ATP1B2: variants seen among roughly 807,000 people sequenced by gnomAD.
ATP1B2 encodes the protein ATPase Na+/K+ transporting subunit beta 2.
In ATP1B2, 12 loss-of-function variants were observed where a neutral mutation model predicts 37.3. The observed-to-expected ratio is 0.32, with a 90% CI of 0.21 to 0.52. ATP1B2 has a LOEUF of 0.52. Among genes scored for constraint, ATP1B2 ranks in the 20% least tolerant of loss-of-function variants. The probability of loss-of-function intolerance (pLI) is 0.96; values close to 1 mark genes in which losing one functional copy is unlikely to be tolerated. For missense variants in ATP1B2, 324 were observed against 391.6 expected (o/e 0.83, Z 1.46); for synonymous variants, 139 against 140.5 (o/e 0.99, Z 0.07).
In ATP1B2 at chr17:7,653,884, C is replaced by T. The variant is rs148306951; in HGVS notation, c.285C>T (p.Val95=). 1 of 1,614,124 alleles carries T rather than the reference C, an allele frequency of 6.2e-7. No individual in the cohort carries two copies. The part of the protein sequence containing the change: ...RPKTENLDVI[V]NVSDTESWDQ... ...AGACTGAGAACCTTGATGTCATTGT[C>T]AATGTCAGTGACACTGAAAGCTGGG... The change falls in exon 3 of 7, where the codon GTC becomes GTT. Residue 95 remains valine, a synonymous_variant. Coordinates refer to ENST00000250111, the MANE Select transcript of ATP1B2 (RefSeq NM_001678.5).
upstream of ATP1B2, among the ~76,000 whole-genome samples, chr17:7,648,197 G>A (rs769599225): frequency 4.5e-4 from 68 of 152,224 alleles, no homozygotes; most frequent in Admixed American, 7.9e-4. Flanking sequence ...CCAAGATCGC[G>A]TCACTGCACT....
chr17:7,654,272 G>T lies in ATP1B2; in HGVS notation c.552+15G>T. On this transcript the variant is annotated intron_variant, in intron 4 of 6. Coordinates refer to ENST00000250111, the MANE Select transcript of ATP1B2 (RefSeq NM_001678.5). This position sits in a 1 kb window ranked among gnomAD's most constrained non-coding sequence, Gnocchi z 4.9. ...AGATGAACCGGGTATCTATGACCTTGGTCCCCAGGGTGAATGGAGGAAGGA... is the reference window on the plus strand; with the variant it reads ...AGATGAACCGGGTATCTATGACCTTTGTCCCCAGGGTGAATGGAGGAAGGA... The T allele has an allele frequency of 6.2e-7, 1 of 1,613,206 alleles. No homozygotes were observed. The highest frequency in any genetic ancestry group is 8.5e-7 in the Non-Finnish European group (1 of 1,179,536).
chr17:7,652,186 G>A (rs1251794490), intron 1 of ATP1B2, among the ~76,000 whole-genome samples: 2 of 152,040 alleles, frequency 1.3e-5, no homozygotes, highest in East Asian at 1.9e-4. Flanking sequence ...GAGTTTTACC[G>A]AGGCTGCAGG....
At chr17:7,649,985 C>T (rs1037467800), upstream of ATP1B2, among the ~76,000 whole-genome samples, 3 of 152,186 alleles carry the variant, frequency 2.0e-5, no homozygotes, top group African/African-American at 7.2e-5. Flanking sequence ...AGCCACCGTG[C>T]CCGGCTTGAG....
rs2072625533 is a variant in ATP1B2 at position 7,653,320 on chromosome 17, T to TTG, written c.113-53_113-52dup. ...TGGGTAGAGGGGTGTGTGGGGATAG[T>TTG]TGAGGTTATGGTGGGAACCTTGGGC... On this transcript the variant is annotated intron_variant, in intron 1 of 6. Coordinates refer to ENST00000250111, the MANE Select transcript of ATP1B2 (RefSeq NM_001678.5). 2.5e-6 allele frequency: 4 copies of TTG among 1,610,964 alleles called. No individual in the cohort carries two copies. In the South Asian group the frequency reaches 4.4e-5, roughly 18 times the overall value.
chr17:7,651,589 C>T lies in ATP1B2; in HGVS notation c.71C>T (p.Pro24Leu). 1 of 1,607,202 alleles carries T rather than the reference C, an allele frequency of 6.2e-7. No homozygotes were observed. Among genetic ancestry groups the T allele is most frequent in the Non-Finnish European group, 8.5e-7 (1 of 1,177,104 alleles). Residue 24 changes from proline to leucine, a missense_variant, in exon 1 of 7, where the codon CCG (proline) becomes CTG (leucine). Pro to Leu is a moderately conservative substitution (Grantham distance 98). Transcript: ENST00000250111. ...VEEWKEFVWN[P>L]RTHQFMGRTG... Reference sequence around the variant, plus strand: ...GAGTGGAAGGAGTTCGTGTGGAACCCGAGGACGCACCAGTTTATGGGCCGC... The same window carrying T: ...GAGTGGAAGGAGTTCGTGTGGAACCTGAGGACGCACCAGTTTATGGGCCGC...
In ATP1B2 at chr17:7,656,837, T is replaced by TTC. The variant is rs1380199376; in HGVS notation, c.*943_*944insCT. ...ATGCCCGGCTAATTTCTTTCTTTCT[T>TTC]TTTTTTTTTTTTTGCATTTTTTAGT... On this transcript the variant is annotated 3_prime_UTR_variant, in exon 7 of 7. Transcript: ENST00000250111. 2.0e-5 allele frequency: 3 copies of TTC among 148,330 alleles called. No individual in the cohort carries two copies. Among genetic ancestry groups the TTC allele is most frequent in the Non-Finnish European group, 3.0e-5 (2 of 66,844 alleles). 9.2% of individuals were successfully genotyped at this position (148,330 alleles called of 1,614,324 possible).
In ATP1B2 at chr17:7,654,049, T is replaced by C. The variant is rs1293063064; in HGVS notation, c.347-3T>C. On this transcript the variant is annotated splice_polypyrimidine_tract_variant and splice_region_variant and intron_variant, in intron 3 of 6. Transcript: ENST00000250111. This position sits in a 1 kb window ranked among gnomAD's most constrained non-coding sequence, Gnocchi z 4.9. ...CCTGAGTCTCTCCCTCCCACCTCTT[T>C]AGCTTACAACGACTCTATCCAAGCC... 3.1e-6 allele frequency: 5 copies of C among 1,614,070 alleles called. No homozygotes were observed. Among genetic ancestry groups the C allele is most frequent in the Middle Eastern group, 1.6e-4 (1 of 6,062 alleles).
At chr17:7,647,099 C>CA (rs34937578), upstream of ATP1B2, among the ~76,000 whole-genome samples, 811 of 78,228 alleles carry the variant, frequency 0.01, 12 homozygotes, top group African/African-American at 0.032. Context: ...GAGACTATCT[C>CA]AAAAAAAAAA....
rs1434188305 is a variant in ATP1B2 at position 7,655,035 on chromosome 17, C to T, written c.609+351C>T. Among the ~76,000 whole-genome samples the T allele has an allele frequency of 6.6e-6, 1 of 152,142 alleles. No individual in the cohort carries two copies. The highest frequency in any genetic ancestry group is 1.5e-5 in the Non-Finnish European group (1 of 68,028). On this transcript the variant is annotated intron_variant, in intron 5 of 6. Transcript: ENST00000250111. This position sits in a 1 kb window ranked among gnomAD's most constrained non-coding sequence, Gnocchi z 4.4. ...TTCGCTCTCCCTCCCATATGGCCCCCACCCGTCAGTTCCTTCTAGGTGTCT... is the reference window on the plus strand; with the variant it reads ...TTCGCTCTCCCTCCCATATGGCCCCTACCCGTCAGTTCCTTCTAGGTGTCT...
chr17:7,656,419 CTT>C lies in ATP1B2; in HGVS notation c.*526_*527del, dbSNP rs2072653239. On this transcript the variant is annotated 3_prime_UTR_variant, in exon 7 of 7. Coordinates refer to ENST00000250111, the MANE Select transcript of ATP1B2 (RefSeq NM_001678.5). ...GTCTACACAGTCGCCATCTTGGTGA[CTT>C]TGAATTTATCTGGCTCCTGGGCAGG... is the stretch of plus-strand genomic sequence containing the variant. 1 of 158,008 alleles carries C rather than the reference CTT, an allele frequency of 6.3e-6. No individual in the cohort carries two copies. Among genetic ancestry groups the C allele is most frequent in the African/African-American group, 2.4e-5 (1 of 41,516 alleles). The allele number at this position is 158,008 out of a possible 1,614,324, so 9.8% of individuals were successfully genotyped here. A position where few individuals can be genotyped will look rare whatever the true frequency, so the allele number is the denominator to read the frequency against.
intron 2 of ATP1B2, 147 bp from the exon 3 acceptor site, chr17:7,653,694 T>G: frequency 1.6e-6 from 2 of 1,221,626 alleles, no homozygotes; most frequent in Non-Finnish European, 2.3e-6. Context: ...ATGTGGCAGA[T>G]AGCCACAGGA....
upstream of ATP1B2, among the ~76,000 whole-genome samples, chr17:7,649,358 G>A (rs1383778471): frequency 6.6e-6 from 1 of 152,078 alleles, no homozygotes; most frequent in African/African-American, 2.4e-5. Context: ...ACAGGCATGA[G>A]CCACTGGGCC....
At chr17:7,651,656 C>CG (rs796827913) in intron 1 of ATP1B2, 26 bp downstream of exon 1, 1 of 1,558,710 alleles carries the variant, frequency 6.4e-7, no homozygotes, top group Admixed American at 1.9e-5. Flanking sequence ...ACGCAAGGGG[C>CG]GGGGGAAAGC....
At chr17:7,653,805 A>C in intron 2 of ATP1B2, 36 bp from the exon 3 acceptor site, 1 of 1,596,732 alleles carries the variant, frequency 6.3e-7, no homozygotes, top group Non-Finnish European at 8.6e-7. Flanking sequence ...CCCTCATCTT[A>C]TAGATACCCC....
At position 7,656,086 on chromosome 17, in the gene ATP1B2, C is replaced by A; in HGVS notation, c.*191C>A. 1 of 730,938 alleles carries A rather than the reference C, an allele frequency of 1.4e-6. No homozygotes were observed. 45.3% of individuals were successfully genotyped at this position (730,938 alleles called of 1,614,324 possible). On this transcript the variant is annotated 3_prime_UTR_variant, in exon 7 of 7. Transcript: ENST00000250111. ...ATTGCGGTTCCGTCACTCGCCTTTC[C>A]CACCAACTTCTCCCAACCTCAGATC...
At chr17:7,648,003 G>C (rs1825535325), upstream of ATP1B2, among the ~76,000 whole-genome samples, 1 of 152,052 alleles carries the variant, frequency 6.6e-6, no homozygotes, top group South Asian at 2.1e-4. Context: ...AGGCTGATGT[G>C]GGTGGATCCC....
In ATP1B2 at chr17:7,650,959, G is replaced by A. The variant is rs1048404041; in HGVS notation, c.-560G>A. Among the ~76,000 whole-genome samples the A allele has an allele frequency of 6.6e-6, 1 of 152,124 alleles. No homozygotes were observed. Among genetic ancestry groups the A allele is most frequent in the Admixed American group, 6.5e-5 (1 of 15,304 alleles). ...GAGGAGCGGAGCCTCCGCCTGGGGGGCCCCCCATCCCTGGCTGTCCCCCAG... is the reference window on the plus strand; with the variant it reads ...GAGGAGCGGAGCCTCCGCCTGGGGGACCCCCCATCCCTGGCTGTCCCCCAG... On this transcript the variant is annotated 5_prime_UTR_variant, in exon 1 of 7. Transcript: ENST00000250111.
At chr17:7,652,250 T>C (rs913408648) in intron 1 of ATP1B2, among the ~76,000 whole-genome samples, 3 of 151,182 alleles carry the variant, frequency 2.0e-5, no homozygotes, top group South Asian at 4.2e-4. Flanking sequence ...GTGATTTGTG[T>C]GCATCAGCCA....
Sources: allele counts gnomAD v4.1 joint callset (sites outside exome capture counted in the v4.1 genomes callset), GRCh38; gene constraint gnomAD v4.1.1; non-coding constraint Gnocchi (gnomAD v3.1); transcripts MANE v1.5; gene names NCBI Gene and HGNC (gene_info 2026-07-23, HGNC 2026-07-21).